The following ZNF804B variants were observed in gnomAD, a reference collection of about 807,000 sequenced individuals.
ZNF804B encodes zinc finger 804B.
A neutral mutation model predicts 101.4 loss-of-function variants in ZNF804B; 80 were observed. The observed-to-expected ratio is 0.79, with a 90% CI of 0.66 to 0.95. ZNF804B has a LOEUF of 0.95. Ranked by LOEUF, ZNF804B falls within the 40% of genes least tolerant of loss-of-function variation. ZNF804B has a pLI of 0.00. For missense variants in ZNF804B, 1,673 were observed against 1,561.9 expected (o/e 1.07, Z -1.20); for synonymous variants, 622 against 558.8 (o/e 1.11, Z -1.59).
chr7:89,100,542 G>GA (rs1467752666), intron 1 of ZNF804B, among the ~76,000 whole-genome samples: 2 of 152,020 alleles, frequency 1.3e-5, no homozygotes, highest in Admixed American at 6.6e-5. Context: ...TAGAATGGGA[G>GA]AAAATATTTG....
intron 1 of ZNF804B, among the ~76,000 whole-genome samples, chr7:88,942,315 T>A (rs539060142): frequency 2.0e-5 from 3 of 152,032 alleles, no homozygotes; most frequent in Admixed American, 6.6e-5. Flanking sequence ...CTTAGTAAAT[T>A]GTGACAAAAA....
rs78762320 is a variant in ZNF804B at position 89,096,225 on chromosome 7, C to T, written c.109-121930C>T. Among the ~76,000 whole-genome samples, 213 of 151,220 alleles carry T rather than the reference C, an allele frequency of 1.4e-3. 5 individuals are homozygous for T. The East Asian group carries it at 0.016, about 11-fold the overall frequency. On this transcript the variant is annotated intron_variant, in intron 1 of 3. Transcript: ENST00000333190. Reference sequence around the variant, plus strand: ...TGGATCAATCTATGGTGTGACTAGACAAGTTAATGTTAAAACTGAACACTG... The same window carrying T: ...TGGATCAATCTATGGTGTGACTAGATAAGTTAATGTTAAAACTGAACACTG...
rs534122258 is a variant in ZNF804B at position 88,995,614 on chromosome 7, TTTATGACTTATG to T, written c.109-222536_109-222525del. Among the ~76,000 whole-genome samples, 784 of 152,080 alleles carry T rather than the reference TTTATGACTTATG, an allele frequency of 5.2e-3. 3 individuals are homozygous for T. The highest frequency in any genetic ancestry group is 0.017 in the African/African-American group (724 of 41,528). On this transcript the variant is annotated intron_variant, in intron 1 of 3. Transcript: ENST00000333190. The stretch of plus-strand genomic sequence containing the variant: ...TGTCAATTCCTGGCTAGAGTCTGGT[TTTATGACTTATG>T]TTATAGAACATAACTCCTCACTCTT...
At chr7:88,790,478 T>G (rs1790364963) in intron 1 of ZNF804B, among the ~76,000 whole-genome samples, 1 of 152,036 alleles carries the variant, frequency 6.6e-6, no homozygotes, top group Admixed American at 6.6e-5. Flanking sequence ...TGTGTCTATG[T>G]GTTCTCAATG....
chr7:89,144,790 CATT>C (rs1790768818), intron 1 of ZNF804B, among the ~76,000 whole-genome samples: 1 of 151,948 alleles, frequency 6.6e-6, no homozygotes, highest in South Asian at 2.1e-4. Context: ...CAAAATGTCA[CATT>C]GTATCCTATG....
chr7:89,294,406 G>A (rs546811456), intron 2 of ZNF804B, among the ~76,000 whole-genome samples: 7 of 151,974 alleles, frequency 4.6e-5, no homozygotes, highest in Admixed American at 1.3e-4. Context: ...AACCAGTTTC[G>A]ATAATGAGAA....
intron 1 of ZNF804B, among the ~76,000 whole-genome samples, chr7:88,874,629 T>G (rs986780060): frequency 6.6e-6 from 1 of 152,066 alleles, no homozygotes; most frequent in African/African-American, 2.4e-5. Context: ...GCTCTTATTA[T>G]TTTGAGATAC....
At chr7:89,050,792 A>G (rs942475577) in intron 1 of ZNF804B, among the ~76,000 whole-genome samples, 1 of 152,150 alleles carries the variant, frequency 6.6e-6, no homozygotes, top group African/African-American at 2.4e-5. Context: ...ATGAACAGAG[A>G]AAAAGCTAAT....
intron 1 of ZNF804B, among the ~76,000 whole-genome samples, chr7:88,793,850 T>C (rs1032832669): frequency 6.6e-6 from 1 of 152,114 alleles, no homozygotes; most frequent in African/African-American, 2.4e-5. Flanking sequence ...TCTTGAGGGA[T>C]TGGATGATAA....
At chr7:88,964,554 A>G (rs67789526) in intron 1 of ZNF804B, among the ~76,000 whole-genome samples, 30,042 of 151,368 alleles carry the variant, frequency 0.2, 3,866 homozygotes, top group East Asian at 0.4. Flanking sequence ...TGTTTTATGC[A>G]TACAGAGTTT....
At chr7:88,814,545 T>C (rs1046932812) in intron 1 of ZNF804B, among the ~76,000 whole-genome samples, 23 of 151,796 alleles carry the variant, frequency 1.5e-4, no homozygotes, top group African/African-American at 5.1e-4. Flanking sequence ...TAGATTATGA[T>C]GAGACTCAGT....
intron 1 of ZNF804B, among the ~76,000 whole-genome samples, chr7:89,159,021 C>T (rs1032901774): frequency 5.3e-5 from 8 of 152,024 alleles, no homozygotes; most frequent in Non-Finnish European, 1.0e-4. Flanking sequence ...TTTCACATGC[C>T]TAGATTCCAC....
intron 1 of ZNF804B, among the ~76,000 whole-genome samples, chr7:88,854,876 T>C (rs1480858212): frequency 1.3e-5 from 2 of 150,626 alleles, no homozygotes; most frequent in Admixed American, 6.6e-5. Context: ...GTCCTTGAGA[T>C]AGTTTGTTGA....
chr7:89,062,606 A>G (rs1173418555), intron 1 of ZNF804B, among the ~76,000 whole-genome samples: 2 of 152,144 alleles, frequency 1.3e-5, no homozygotes, highest in African/African-American at 4.8e-5. Context: ...AGAGCCTGCT[A>G]TACAGTAGGT....
At chr7:88,852,267 T>C (rs1332333223) in intron 1 of ZNF804B, among the ~76,000 whole-genome samples, 2 of 152,104 alleles carry the variant, frequency 1.3e-5, no homozygotes, top group Non-Finnish European at 2.9e-5. Flanking sequence ...TAGTATGTAT[T>C]TCCTAGTTGT....
intron 2 of ZNF804B, among the ~76,000 whole-genome samples, chr7:89,318,773 C>T (rs1790768365): frequency 6.6e-6 from 1 of 152,060 alleles, no homozygotes; most frequent in African/African-American, 2.4e-5. Flanking sequence ...GAGACCAGCT[C>T]ATTCGGAGAG....
chr7:88,799,800 C>CAACAAAAAACAACAAAAA (rs1790551727), intron 1 of ZNF804B, among the ~76,000 whole-genome samples: 1 of 152,016 alleles, frequency 6.6e-6, no homozygotes, highest in South Asian at 2.1e-4. Context: ...CAATAAATAT[C>CAACAAAAAACAACAAAAA]ATGCAAATGA....
chr7:89,295,808 A>C (rs1790373176), intron 2 of ZNF804B, among the ~76,000 whole-genome samples: 1 of 152,128 alleles, frequency 6.6e-6, no homozygotes, highest in Admixed American at 6.6e-5. Context: ...TACACTTTGG[A>C]ATACTGTTGA....
chr7:89,252,582 C>A (rs915849610), intron 2 of ZNF804B, among the ~76,000 whole-genome samples: 2 of 152,152 alleles, frequency 1.3e-5, no homozygotes, highest in Non-Finnish European at 2.9e-5. Context: ...CACATGCACC[C>A]ATTTGTTCAT....
Sources: gnomAD v4.1 joint callset for allele counts (sites outside exome capture counted in the v4.1 genomes callset) on GRCh38, gnomAD v4.1.1 for gene constraint, MANE v1.5 for transcripts, NCBI Gene and HGNC (gene_info 2026-07-23, HGNC 2026-07-21) for gene names.